Variants in ZBTB7C observed in about 807,000 individuals in gnomAD.
The protein encoded by ZBTB7C is zinc finger and BTB domain-containing protein 7C.
Under a neutral mutation model 25.7 loss-of-function variants are expected in ZBTB7C, and 8 were observed. The ratio of observed to expected loss-of-function variants is 0.31; its 90% CI spans 0.18 to 0.56. The LOEUF (loss-of-function observed/expected upper bound fraction) is 0.56, where lower values mean the gene tolerates loss of function less well. Among genes scored for constraint, ZBTB7C ranks in the 20% least tolerant of loss-of-function variants. The pLI, the probability that ZBTB7C is intolerant of heterozygous loss-of-function variation, is 0.91. For synonymous variants in ZBTB7C, 394 were observed against 369.0 expected (o/e 1.07, Z -0.78); for missense variants, 824 against 855.2 (o/e 0.96, Z 0.46).
chr18:48,148,702 G>A (rs2040573207), intron 3 of ZBTB7C: 1 of 152,152 alleles, frequency 6.6e-6, no homozygotes, highest in Non-Finnish European at 1.5e-5. Flanking sequence ...TTCTTGCCTT[G>A]GCTTCGTAGC....
intron 3 of ZBTB7C, among the ~76,000 whole-genome samples, chr18:48,120,714 G>A (rs2039599931): frequency 6.6e-6 from 1 of 152,252 alleles, no homozygotes; most frequent in Non-Finnish European, 1.5e-5. Context: ...ACTGGGGGAG[G>A]AGGGAAAGTG....
chr18:48,171,990 T>G (rs1036376382), intron 3 of ZBTB7C, among the ~76,000 whole-genome samples: 1 of 152,214 alleles, frequency 6.6e-6, no homozygotes, highest in Non-Finnish European at 1.5e-5. Flanking sequence ...CAAAGTCGAA[T>G]AAGAAGTAGC....
intron 2 of ZBTB7C, among the ~76,000 whole-genome samples, chr18:48,278,292 G>A (rs2044728266): frequency 6.6e-6 from 1 of 152,218 alleles, no homozygotes; most frequent in African/African-American, 2.4e-5. Context: ...ACTAGGCCAT[G>A]TTCAGAAGGA....
chr18:48,153,821 TA>T (rs1466904718), intron 3 of ZBTB7C, among the ~76,000 whole-genome samples: 8 of 152,004 alleles, frequency 5.3e-5, no homozygotes, highest in Non-Finnish European at 7.4e-5. Context: ...CAGGTTCGAG[TA>T]AATATGGGAA....
chr18:48,391,431 T>C (rs1022145453), intron 1 of ZBTB7C, among the ~76,000 whole-genome samples: 3 of 152,256 alleles, frequency 2.0e-5, no homozygotes, highest in Non-Finnish European at 4.4e-5. Flanking sequence ...CCAGTCTATC[T>C]GACTGTCAAC....
intron 2 of ZBTB7C, among the ~76,000 whole-genome samples, chr18:48,216,121 AGAG>A (rs1204954845): frequency 6.6e-6 from 1 of 152,168 alleles, no homozygotes; most frequent in Non-Finnish European, 1.5e-5. Flanking sequence ...CCCTTGGCTG[AGAG>A]GAGGAGTCCA....
intron 3 of ZBTB7C, among the ~76,000 whole-genome samples, chr18:48,096,070 G>A (rs2038620116): frequency 6.6e-6 from 1 of 152,316 alleles, no homozygotes. Context: ...GTTATCGGGG[G>A]CTCAGGTTCT....
At chr18:48,133,992 A>G (rs180875120) in intron 3 of ZBTB7C, among the ~76,000 whole-genome samples, 3 of 152,212 alleles carry the variant, frequency 2.0e-5, no homozygotes, top group Admixed American at 2.0e-4. Context: ...CACGGCCCTT[A>G]TCAAGCTGAT....
In ZBTB7C at chr18:48,029,186, C is replaced by G; in HGVS notation, c.*74G>C. 6.9e-7 allele frequency: 1 copy of G among 1,451,820 alleles called. No homozygotes were observed. The highest frequency in any genetic ancestry group is 1.3e-5 in the South Asian group (1 of 74,622). The allele number at this position is 1,451,820 out of a possible 1,614,324, so 89.9% of individuals were successfully genotyped here. A position where few individuals can be genotyped will look rare whatever the true frequency, so the allele number is the denominator to read the frequency against. On this transcript the variant is annotated 3_prime_UTR_variant, in exon 5 of 5. Coordinates refer to ENST00000590800, the MANE Select transcript of ZBTB7C (RefSeq NM_001318841.2). ...GTTTTTAAAATGAAAAGTTCAGATC[C>G]ATGGGGTAGGGTAGAGTGGGCCTGG...
chr18:48,082,817 A>C (rs1392486132), intron 3 of ZBTB7C, among the ~76,000 whole-genome samples: 1 of 152,182 alleles, frequency 6.6e-6, no homozygotes, highest in Non-Finnish European at 1.5e-5. Context: ...GGTTGCTTTG[A>C]TGGAGAGCCA....
intron 3 of ZBTB7C, among the ~76,000 whole-genome samples, chr18:48,068,105 A>C (rs1198562470): frequency 6.6e-6 from 1 of 150,376 alleles, no homozygotes; most frequent in African/African-American, 2.4e-5. Context: ...GGTTAGACGA[A>C]TTCAGTGGCA....
intron 3 of ZBTB7C, among the ~76,000 whole-genome samples, chr18:48,177,213 G>A (rs949233130): frequency 6.6e-6 from 1 of 152,200 alleles, no homozygotes; most frequent in Non-Finnish European, 1.5e-5. Flanking sequence ...GCTTCCACCA[G>A]CAAAGTGGTC....
At chr18:48,293,019 T>G (rs1192273031) in intron 2 of ZBTB7C, among the ~76,000 whole-genome samples, 3 of 152,212 alleles carry the variant, frequency 2.0e-5, no homozygotes, top group Non-Finnish European at 4.4e-5. Context: ...GAACTGTGTC[T>G]CACTCAGCAT....
At chr18:48,302,611 C>T (rs751354133) in intron 2 of ZBTB7C, among the ~76,000 whole-genome samples, 25 of 152,158 alleles carry the variant, frequency 1.6e-4, no homozygotes, top group Admixed American at 1.2e-3. Flanking sequence ...TAAGTCAGGC[C>T]GGATCGACGT....
chr18:48,086,802 T>C (rs955574266), intron 3 of ZBTB7C, among the ~76,000 whole-genome samples: 1 of 152,226 alleles, frequency 6.6e-6, no homozygotes, highest in African/African-American at 2.4e-5. Context: ...GGCTTTAAAC[T>C]TTGCAAACGC....
intron 2 of ZBTB7C, among the ~76,000 whole-genome samples, chr18:48,217,944 C>T (rs2042863877): frequency 6.6e-6 from 1 of 152,160 alleles, no homozygotes; most frequent in Non-Finnish European, 1.5e-5. Flanking sequence ...AGCCACACGG[C>T]TACCAACTCA....
chr18:48,258,447 TAAG>T (rs1309804639), intron 2 of ZBTB7C, among the ~76,000 whole-genome samples: 2 of 152,144 alleles, frequency 1.3e-5, no homozygotes, highest in African/African-American at 4.8e-5. Context: ...GAAATTGAAA[TAAG>T]AAAAGCTACT....
chr18:48,103,959 T>C (rs557459568), intron 3 of ZBTB7C, among the ~76,000 whole-genome samples: 1 of 151,964 alleles, frequency 6.6e-6, no homozygotes, highest in South Asian at 2.1e-4. Flanking sequence ...AATGGGGGAG[T>C]AACTGCTAAT....
At chr18:48,402,475 G>A (rs1321695791) in intron 1 of ZBTB7C, among the ~76,000 whole-genome samples, 1 of 152,160 alleles carries the variant, frequency 6.6e-6, no homozygotes, top group Non-Finnish European at 1.5e-5. Flanking sequence ...GAGCATGAGA[G>A]GCATGTTTCT....
Sources: gnomAD v4.1 joint callset for allele counts (sites outside exome capture counted in the v4.1 genomes callset) on GRCh38, gnomAD v4.1.1 for gene constraint, MANE v1.5 for transcripts, NCBI Gene and HGNC (gene_info 2026-07-23, HGNC 2026-07-21) for gene names.